Variants in MS4A4A observed in about 807,000 individuals in gnomAD.
The protein encoded by MS4A4A is membrane-spanning 4-domains subfamily A member 4A.
A neutral mutation model predicts 28.0 loss-of-function variants in MS4A4A; 26 were observed. The observed-to-expected ratio is 0.93, with a 90% CI of 0.68 to 1.29. The LOEUF (loss-of-function observed/expected upper bound fraction) is 1.29, where lower values mean the gene tolerates loss of function less well. Ranked by LOEUF, MS4A4A falls within the 50% of genes most tolerant of loss-of-function variation. The probability of loss-of-function intolerance (pLI) is 0.00; values close to 1 mark genes in which losing one functional copy is unlikely to be tolerated. For missense variants in MS4A4A, 290 were observed against 293.1 expected (o/e 0.99, Z 0.08); for synonymous variants, 86 against 100.8 (o/e 0.85, Z 0.88).
At chr11:60,294,892 A>ACTACTACTTCTTCTTCTTCTTCTTATT (rs60374079) in intron 2 of MS4A4A, among the ~76,000 whole-genome samples, 5 of 130,846 alleles carry the variant, frequency 3.8e-5, no homozygotes, top group African/African-American at 1.2e-4. Context: ...TACAACTACT[A>ACTACTACTTCTTCTTCTTCTTCTTATT]CTTCTTCTTC....
chr11:60,287,950 C>G (rs1367889424), intron 1 of MS4A4A, among the ~76,000 whole-genome samples: 1 of 152,232 alleles, frequency 6.6e-6, no homozygotes, highest in African/African-American at 2.4e-5. Flanking sequence ...CCTGGGGACA[C>G]TGATTGGGGC....
At chr11:60,299,086 C>G (rs528943826) in intron 3 of MS4A4A, among the ~76,000 whole-genome samples, 1 of 152,210 alleles carries the variant, frequency 6.6e-6, no homozygotes, top group South Asian at 2.1e-4. Flanking sequence ...TTATTCAATC[C>G]CATCTTCAAA....
chr11:60,293,637 C>T (rs1177081720), intron 2 of MS4A4A, among the ~76,000 whole-genome samples: 3 of 152,194 alleles, frequency 2.0e-5, no homozygotes, highest in African/African-American at 7.2e-5. Flanking sequence ...CATAGTATCC[C>T]ACCAATCCCT....
chr11:60,292,927 G>A (rs1444758392), intron 2 of MS4A4A, among the ~76,000 whole-genome samples: 1 of 152,112 alleles, frequency 6.6e-6, no homozygotes, highest in Non-Finnish European at 1.5e-5. Context: ...TTCAAACCAC[G>A]GGAAAATGTC....
intron 1 of MS4A4A, chr11:60,290,075 T>C: frequency 2.2e-6 from 1 of 445,086 alleles, no homozygotes; most frequent in Non-Finnish European, 4.5e-6. Flanking sequence ...TCTACTTCCT[T>C]CTTTATGGAC....
intron 1 of MS4A4A, among the ~76,000 whole-genome samples, chr11:60,281,375 T>G (rs2084754226): frequency 6.6e-6 from 1 of 152,176 alleles, no homozygotes; most frequent in African/African-American, 2.4e-5. Context: ...CATTGTAATC[T>G]TTCCCCAGAT....
chr11:60,288,423 A>C (rs1438811201), intron 1 of MS4A4A, among the ~76,000 whole-genome samples: 1 of 152,212 alleles, frequency 6.6e-6, no homozygotes, highest in Admixed American at 6.5e-5. Context: ...ATTACCCACA[A>C]AGCTGAGGCT....
chr11:60,308,457 C>T lies in MS4A4A; in HGVS notation c.*279C>T, dbSNP rs2135038844. On this transcript the variant is annotated 3_prime_UTR_variant, in exon 7 of 7. Coordinates refer to ENST00000337908, the MANE Select transcript of MS4A4A (RefSeq NM_148975.3). ...ATAAATAATGCATTTAATGAGGCAA[C>T]AGCACTTGAAAGTTTTTCATTCATC... 2 of 340,748 alleles carry T rather than the reference C, an allele frequency of 5.9e-6. No homozygotes were observed. The highest frequency in any genetic ancestry group is 1.1e-4 in the South Asian group (1 of 9,204). 21.1% of individuals were successfully genotyped at this position (340,748 alleles called of 1,614,324 possible). A position where few individuals can be genotyped will look rare whatever the true frequency, so the allele number is the denominator to read the frequency against.
chr11:60,305,342 C>G (rs941814131), intron 5 of MS4A4A, among the ~76,000 whole-genome samples: 2 of 152,176 alleles, frequency 1.3e-5, no homozygotes, highest in African/African-American at 4.8e-5. Context: ...TTAGAAGTTC[C>G]AAGTGGGTCT....
intron 1 of MS4A4A, among the ~76,000 whole-genome samples, chr11:60,284,766 T>G (rs1288231895): frequency 6.6e-6 from 1 of 152,202 alleles, no homozygotes; most frequent in Admixed American, 6.5e-5. Flanking sequence ...TAGCATCCTC[T>G]GAGCAGAACA....
chr11:60,282,449 T>C, intron 1 of MS4A4A: 2 of 600,136 alleles, frequency 3.3e-6, no homozygotes, highest in Non-Finnish European at 4.9e-6. Flanking sequence ...TAAACCCTTA[T>C]TTACCGTCAT....
chr11:60,303,916 A>G (rs566967078), intron 5 of MS4A4A, among the ~76,000 whole-genome samples: 10 of 152,280 alleles, frequency 6.6e-5, no homozygotes, highest in African/African-American at 2.4e-4. Context: ...AGCTAATTCT[A>G]CATAGTTTTG....
chr11:60,293,514 T>C (rs745575442), intron 2 of MS4A4A, among the ~76,000 whole-genome samples: 1 of 152,188 alleles, frequency 6.6e-6, no homozygotes, highest in Non-Finnish European at 1.5e-5. Context: ...ATGAACTACA[T>C]TGACACATCA....
intron 6 of MS4A4A, 59 bp from the exon 7 acceptor site, chr11:60,308,048 A>G: frequency 6.9e-7 from 1 of 1,454,906 alleles, no homozygotes; most frequent in Admixed American, 1.7e-5. Flanking sequence ...TGTGGGCAGG[A>G]AAGGGGCACT....
chr11:60,301,951 TG>T (rs1390068919), intron 4 of MS4A4A, among the ~76,000 whole-genome samples: 1 of 152,212 alleles, frequency 6.6e-6, no homozygotes, highest in Non-Finnish European at 1.5e-5. Flanking sequence ...AGCTAATTTT[TG>T]TATTTTTAGT....
chr11:60,295,811 G>A lies in MS4A4A; in HGVS notation c.202-1386G>A, dbSNP rs1467408341. ...CATTAATCGGTTTTTTGAATGTATA[G>A]TCAGTCTTGCATACCTGGGATAAAT... On this transcript the variant is annotated intron_variant, in intron 2 of 6. Coordinates refer to ENST00000337908, the MANE Select transcript of MS4A4A (RefSeq NM_148975.3). Among the ~76,000 whole-genome samples, 3 of 152,060 alleles carry A rather than the reference G, an allele frequency of 2.0e-5. No individual in the cohort carries two copies. The East Asian group carries it at 5.8e-4, about 29-fold the overall frequency.
intron 1 of MS4A4A, chr11:60,282,780 T>C: frequency 2.5e-6 from 3 of 1,205,916 alleles, no homozygotes; most frequent in Non-Finnish European, 3.1e-6. Flanking sequence ...GCCGAGCTTT[T>C]GTTATCAACA....
At chr11:60,302,430 A>T in intron 4 of MS4A4A, 129 bp from the exon 5 acceptor site, 1 of 927,132 alleles carries the variant, frequency 1.1e-6, no homozygotes, top group Non-Finnish European at 1.6e-6. Context: ...AAGACAAGTT[A>T]GAAGACTATT....
chr11:60,302,745 T>C (rs2084964663), intron 5 of MS4A4A, 28 bp downstream of exon 5: 1 of 1,602,514 alleles, frequency 6.2e-7, no homozygotes, highest in East Asian at 2.2e-5. Flanking sequence ...TCAGGGGATA[T>C]TATTATAGAA....
Sources: allele counts gnomAD v4.1 joint callset (sites outside exome capture counted in the v4.1 genomes callset), GRCh38; gene constraint gnomAD v4.1.1; transcripts MANE v1.5; gene names NCBI Gene and HGNC (gene_info 2026-07-23, HGNC 2026-07-21).